GMDS: variants seen among roughly 807,000 people sequenced by gnomAD.
GMDS encodes the protein GDP-mannose 4,6 dehydratase.
Under a neutral mutation model 49.9 loss-of-function variants are expected in GMDS, and 20 were observed. That is an observed-to-expected ratio of 0.40 (90% confidence interval 0.28 to 0.58). GMDS has a LOEUF of 0.58. Ranked by LOEUF, GMDS falls within the 20% of genes least tolerant of loss-of-function variation. GMDS has a pLI of 0.42. For missense variants in GMDS, 362 were observed against 481.4 expected (o/e 0.75, Z 2.32); for synonymous variants, 177 against 178.6 (o/e 0.99, Z 0.07).
Position 1,909,071 on chromosome 6 carries a change from T to A in GMDS, c.771+21032A>T, listed in dbSNP as rs574175859. ...AAACGCAGGATATTAGTCACACCGG[T>A]CAAGTTATAAACGTTTAATTTATTT... On this transcript the variant is annotated intron_variant, in intron 7 of 10. Coordinates refer to ENST00000380815, the MANE Select transcript of GMDS (RefSeq NM_001500.4). Among the ~76,000 whole-genome samples, 558 of 152,298 alleles carry A rather than the reference T, an allele frequency of 3.7e-3. 3 individuals carry two copies. The highest frequency in any genetic ancestry group is 0.011 in the South Asian group (51 of 4,826).
intron 9 of GMDS, among the ~76,000 whole-genome samples, chr6:1,675,033 G>A (rs1323739633): frequency 2.0e-5 from 3 of 152,008 alleles, no homozygotes; most frequent in Admixed American, 2.0e-4. Flanking sequence ...CACCTCCCAG[G>A]TTCAAGCGAT....
At chr6:2,111,181 A>G (rs554901871) in intron 4 of GMDS, among the ~76,000 whole-genome samples, 139 of 152,356 alleles carry the variant, frequency 9.1e-4, no homozygotes, top group African/African-American at 3.2e-3. Flanking sequence ...TATTACTTAC[A>G]CAGCAAAAAA....
intron 9 of GMDS, among the ~76,000 whole-genome samples, chr6:1,673,788 C>T (rs780488035): frequency 3.3e-5 from 5 of 151,894 alleles, no homozygotes; most frequent in African/African-American, 1.2e-4. Flanking sequence ...TGGAATCATA[C>T]AGTACTCAGC....
rs151120974 is a variant in GMDS, at chr6:2,211,054, C to T, written c.102+34267G>A. ...CACCATGATTGCAAGTTTCCTGCAG[C>T]CTCCCAGGCATACTCCCTGTACAGC... On this transcript the variant is annotated intron_variant, in intron 1 of 10. Coordinates refer to ENST00000380815, the MANE Select transcript of GMDS (RefSeq NM_001500.4). 8.9e-4 allele frequency among the ~76,000 whole-genome samples: 135 copies of T among 152,310 alleles called. 2 individuals are homozygous for T. Among genetic ancestry groups the T allele is most frequent in the African/African-American group, 2.9e-3 (120 of 41,552 alleles).
chr6:2,152,312 C>T (rs1222041324), intron 1 of GMDS, among the ~76,000 whole-genome samples: 1 of 152,080 alleles, frequency 6.6e-6, no homozygotes, highest in Non-Finnish European at 1.5e-5. Flanking sequence ...TTTGTTACTG[C>T]TACTAGCCAA....
Position 1,907,684 on chromosome 6 carries a change from T to C in GMDS, c.771+22419A>G, listed in dbSNP as rs147025988. On this transcript the variant is annotated intron_variant, in intron 7 of 10. Coordinates refer to ENST00000380815, the MANE Select transcript of GMDS (RefSeq NM_001500.4). ...AAGTCAGTCGGACACAGAGCAAGCATGAAAGCCTGCTTCCATGGGAGGCAG... is the reference window on the plus strand; with the variant it reads ...AAGTCAGTCGGACACAGAGCAAGCACGAAAGCCTGCTTCCATGGGAGGCAG... Among the ~76,000 whole-genome samples, 44 of 152,324 alleles carry C rather than the reference T, an allele frequency of 2.9e-4. No homozygotes were observed. The East Asian group carries it at 6.7e-3, about 23-fold the overall frequency.
At chr6:1,686,635 C>T (rs1198044759) in intron 9 of GMDS, among the ~76,000 whole-genome samples, 1 of 152,182 alleles carries the variant, frequency 6.6e-6, no homozygotes, top group Non-Finnish European at 1.5e-5. Context: ...GTATTTATGG[C>T]ATAAGCCATA....
intron 7 of GMDS, among the ~76,000 whole-genome samples, chr6:1,851,734 GA>G (rs1466865266): frequency 2.6e-5 from 4 of 151,710 alleles, no homozygotes; most frequent in African/African-American, 7.3e-5. Context: ...AATTTTAAAA[GA>G]AAAAAAAGAA....
intron 1 of GMDS, among the ~76,000 whole-genome samples, chr6:2,215,012 T>A (rs924820529): frequency 4.6e-5 from 7 of 152,228 alleles, no homozygotes; most frequent in Non-Finnish European, 8.8e-5. Flanking sequence ...TGTGAAGTAC[T>A]TTTGTCTCCA....
intron 1 of GMDS, among the ~76,000 whole-genome samples, chr6:2,140,907 C>A (rs150718853): frequency 1.0e-3 from 155 of 152,274 alleles, no homozygotes; most frequent in African/African-American, 3.4e-3. Flanking sequence ...CCAGCCCTCC[C>A]AGCTGACAGC....
chr6:1,775,725 G>T (rs1199205560), intron 7 of GMDS, among the ~76,000 whole-genome samples: 2 of 152,104 alleles, frequency 1.3e-5, no homozygotes, highest in African/African-American at 4.8e-5. Flanking sequence ...AAAGTTTTTT[G>T]TTTTTCTTCT....
intron 9 of GMDS, among the ~76,000 whole-genome samples, chr6:1,696,078 G>A (rs1247243082): frequency 3.3e-5 from 5 of 152,128 alleles, no homozygotes; most frequent in African/African-American, 9.7e-5. Context: ...GAACAGAAAA[G>A]CAGGAGACAG....
chr6:1,635,469 C>T lies in GMDS; in HGVS notation c.988-10929G>A, dbSNP rs369726606. ...ATGACATCATAAAAGCCTGATTTATCGCCGGCCACCAAACATCTAGAAAAT... is the reference window on the plus strand; with the variant it reads ...ATGACATCATAAAAGCCTGATTTATTGCCGGCCACCAAACATCTAGAAAAT... On this transcript the variant is annotated intron_variant, in intron 9 of 10. Transcript: ENST00000380815. This position sits in a 1 kb window ranked among gnomAD's most constrained non-coding sequence, Gnocchi z 4.7. Among the ~76,000 whole-genome samples the T allele has an allele frequency of 1.1e-4, 17 of 152,316 alleles. No individual in the cohort carries two copies. The South Asian group carries it at 1.7e-3, about 15-fold the overall frequency.
At chr6:1,672,984 T>C (rs929633142) in intron 9 of GMDS, among the ~76,000 whole-genome samples, 4 of 149,184 alleles carry the variant, frequency 2.7e-5, no homozygotes, top group Non-Finnish European at 5.9e-5. Context: ...CAGCGAGGAT[T>C]GGGAATTGCG....
At chr6:1,738,487 C>G (rs1316139045) in intron 8 of GMDS, among the ~76,000 whole-genome samples, 1 of 152,192 alleles carries the variant, frequency 6.6e-6, no homozygotes, top group Admixed American at 6.5e-5. Flanking sequence ...CGACACGTGT[C>G]AAGCCTTTTC....
chr6:1,788,396 TG>T (rs1156779757), intron 7 of GMDS, among the ~76,000 whole-genome samples: 1 of 152,226 alleles, frequency 6.6e-6, no homozygotes, highest in Non-Finnish European at 1.5e-5. Context: ...GGCTTAATTC[TG>T]GGGGCATTTT....
At chr6:2,103,776 CATATTAA>C (rs1330356509) in intron 4 of GMDS, among the ~76,000 whole-genome samples, 2 of 152,200 alleles carry the variant, frequency 1.3e-5, no homozygotes, top group African/African-American at 4.8e-5. Context: ...GAAGCACACA[CATATTAA>C]ATATTAATTA....
intron 8 of GMDS, among the ~76,000 whole-genome samples, chr6:1,738,154 TAC>T (rs34042918): frequency 1.2e-3 from 175 of 149,686 alleles, no homozygotes; most frequent in African/African-American, 4.2e-3. Context: ...CAGATACACA[TAC>T]ACACACACAG....
chr6:1,883,795 T>C (rs914561061), intron 7 of GMDS, among the ~76,000 whole-genome samples: 46 of 152,314 alleles, frequency 3.0e-4, no homozygotes, highest in African/African-American at 1.0e-3. Context: ...ATTTAAATTT[T>C]AACATTTAAA....
Sources: gnomAD v4.1 joint callset for allele counts (sites outside exome capture counted in the v4.1 genomes callset) on GRCh38, gnomAD v4.1.1 for gene constraint, Gnocchi (gnomAD v3.1) non-coding constraint, MANE v1.5 for transcripts, NCBI Gene and HGNC (gene_info 2026-07-23, HGNC 2026-07-21) for gene names.